ASB3: variants seen among roughly 807,000 people sequenced by gnomAD.
ASB3 encodes ankyrin repeat and SOCS box protein 3.
Under a neutral mutation model 54.5 loss-of-function variants are expected in ASB3, and 41 were observed. That is an observed-to-expected ratio of 0.75 (90% CI 0.59 to 0.98). ASB3 has a LOEUF of 0.98. ASB3 is among the 50% of genes least tolerant of loss of function. The pLI is 0.00. For missense variants in ASB3, 733 were observed against 620.0 expected (o/e 1.18, Z -1.94); for synonymous variants, 266 against 221.2 (o/e 1.20, Z -1.80).
chr2:53,714,820 A>AT (rs1670297206), intron 6 of ASB3, among the ~76,000 whole-genome samples: 1 of 152,204 alleles, frequency 6.6e-6, no homozygotes, highest in East Asian at 1.9e-4. Flanking sequence ...AACAAAATTA[A>AT]TGTTCCTATA....
At chr2:53,760,116 T>C (rs1353563114) in intron 2 of ASB3, among the ~76,000 whole-genome samples, 1 of 152,116 alleles carries the variant, frequency 6.6e-6, no homozygotes, top group Admixed American at 6.5e-5. Context: ...TAATTATGCC[T>C]GAAAGCCCCA....
chr2:53,753,430 T>C (rs1253809671), intron 2 of ASB3, among the ~76,000 whole-genome samples: 5 of 152,334 alleles, frequency 3.3e-5, no homozygotes, highest in South Asian at 2.1e-4. Flanking sequence ...GAATGAACCA[T>C]GTGTTCTGGA....
intron 2 of ASB3, among the ~76,000 whole-genome samples, chr2:53,754,335 G>T (rs186472667): frequency 6.6e-6 from 1 of 152,118 alleles, no homozygotes; most frequent in African/African-American, 2.4e-5. Context: ...CAAGGAAGTA[G>T]AGTTTAATTC....
intron 9 of ASB3, among the ~76,000 whole-genome samples, chr2:53,671,006 G>A (rs755412751): frequency 6.6e-6 from 1 of 152,124 alleles, no homozygotes; most frequent in Non-Finnish European, 1.5e-5. Context: ...TAGAAATGGT[G>A]GAAGCTCACA....
chr2:53,739,858 G>C (rs1243626997), intron 3 of ASB3, among the ~76,000 whole-genome samples: 1 of 152,072 alleles, frequency 6.6e-6, no homozygotes, highest in Non-Finnish European at 1.5e-5. Context: ...ATTTTTTGTA[G>C]AGACAAGGTC....
intron 6 of ASB3, 65 bp from the exon 7 acceptor site, chr2:53,714,646 C>G (rs560561359): frequency 6.5e-7 from 1 of 1,528,058 alleles, no homozygotes; most frequent in African/African-American, 1.4e-5. Flanking sequence ...GGCAACATTT[C>G]TATAGCACAA....
intron 5 of ASB3, among the ~76,000 whole-genome samples, chr2:53,719,502 A>T (rs79942132): frequency 0.11 from 16,544 of 152,134 alleles, 1,095 homozygotes; most frequent in Non-Finnish European, 0.15. Flanking sequence ...GACCAGAGAC[A>T]TGCTAGCTGC....
At chr2:53,753,781 C>T (rs1055981962) in intron 2 of ASB3, among the ~76,000 whole-genome samples, 2 of 151,646 alleles carry the variant, frequency 1.3e-5, no homozygotes, top group African/African-American at 2.4e-5. Context: ...GGATTATAGG[C>T]GCACCACCAC....
chr2:53,731,608 T>C (rs1419713772), intron 3 of ASB3, among the ~76,000 whole-genome samples: 1 of 152,208 alleles, frequency 6.6e-6, no homozygotes, highest in Non-Finnish European at 1.5e-5. Context: ...TTGGGGTGGC[T>C]CTCAGGTACC....
intron 9 of ASB3, among the ~76,000 whole-genome samples, chr2:53,682,720 A>G (rs1668440425): frequency 1.3e-5 from 2 of 151,950 alleles, no homozygotes; most frequent in African/African-American, 4.8e-5. Flanking sequence ...CAGGTGATCC[A>G]CCCACCTCGG....
intron 6 of ASB3, among the ~76,000 whole-genome samples, chr2:53,715,882 C>A (rs1670360440): frequency 6.6e-6 from 1 of 152,062 alleles, no homozygotes; most frequent in South Asian, 2.1e-4. Flanking sequence ...ATACTAATAG[C>A]AGCTATAAAA....
chr2:53,716,644 C>G lies in ASB3; in HGVS notation c.704G>C (p.Gly235Ala), dbSNP rs1393759597. The change falls in exon 6 of 10, where the codon GGG (glycine) becomes GCG (alanine). Residue 235 changes from glycine to alanine, a missense_variant. Transcript: ENST00000263634. ...ATTACAGTAAAGATCAGGATCTGCC[C>G]CACTGGAGAGCAAAAGCTCCACACA... is the stretch of plus-strand genomic sequence containing the variant. ...TKCVELLLSS[G>A]ADPDLYCNED... is the part of the protein sequence containing the mutation. The G allele has an allele frequency of 6.2e-7, 1 of 1,613,984 alleles. No individual in the cohort carries two copies. The highest frequency in any genetic ancestry group is 8.5e-7 in the Non-Finnish European group (1 of 1,180,010).
chr2:53,767,682 C>T, intron 1 of ASB3: 1 of 611,904 alleles, frequency 1.6e-6, no homozygotes, highest in Non-Finnish European at 2.8e-6. Flanking sequence ...CCTCTTGACA[C>T]CCTAATCAAG....
intron 3 of ASB3, among the ~76,000 whole-genome samples, chr2:53,737,911 T>C (rs1330418660): frequency 1.3e-5 from 2 of 152,110 alleles, no homozygotes; most frequent in East Asian, 3.8e-4. Flanking sequence ...CTAAAGTGTA[T>C]ATTAATTGAA....
chr2:53,693,762 A>G, intron 9 of ASB3, 122 bp downstream of exon 9: 2 of 1,394,512 alleles, frequency 1.4e-6, no homozygotes, highest in Non-Finnish European at 9.5e-7. Flanking sequence ...CTCACATAAG[A>G]AAATGCAAAT....
chr2:53,739,455 T>C (rs1671814449), intron 3 of ASB3, among the ~76,000 whole-genome samples: 2 of 152,244 alleles, frequency 1.3e-5, no homozygotes, highest in African/African-American at 4.8e-5. Flanking sequence ...TTGTTTAATA[T>C]AGCATTCATT....
At chr2:53,726,358 T>G (rs1670992661) in intron 5 of ASB3, among the ~76,000 whole-genome samples, 1 of 151,280 alleles carries the variant, frequency 6.6e-6, no homozygotes, top group Non-Finnish European at 1.5e-5. Context: ...CCTCCTGGGT[T>G]TAAGCAATTC....
chr2:53,779,334 A>T (rs1674520716), intron 1 of ASB3, among the ~76,000 whole-genome samples: 1 of 152,162 alleles, frequency 6.6e-6, no homozygotes, highest in African/African-American at 2.4e-5. Flanking sequence ...AATCCATAGG[A>T]TGTCACAACT....
At chr2:53,772,031 A>G (rs1473160146) in intron 1 of ASB3, 3 of 756,360 alleles carry the variant, frequency 4.0e-6, no homozygotes, top group Non-Finnish European at 6.5e-6. Flanking sequence ...ATCATCACAG[A>G]CAATTTGAAC....
Sources: gnomAD v4.1 joint callset for allele counts (sites outside exome capture counted in the v4.1 genomes callset) on GRCh38, gnomAD v4.1.1 for gene constraint, MANE v1.5 for transcripts, NCBI Gene and HGNC (gene_info 2026-07-23, HGNC 2026-07-21) for gene names.